SEMA4B: variants seen among roughly 807,000 people sequenced by gnomAD.
The protein encoded by SEMA4B is semaphorin-4B.
In SEMA4B, 55 loss-of-function variants were observed where a neutral mutation model predicts 88.1. That is an observed-to-expected ratio of 0.62 (90% confidence interval 0.50 to 0.78). The LOEUF is 0.78. SEMA4B is among the 30% of genes least tolerant of loss of function. SEMA4B has a pLI of 0.00. For missense variants in SEMA4B, 1,062 were observed against 1,111.9 expected (o/e 0.96, Z 0.64); for synonymous variants, 525 against 473.6 (o/e 1.11, Z -1.41).
At position 90,225,392 on chromosome 15, in the gene SEMA4B, C is replaced by T. The variant is rs1962108768; in HGVS notation, c.1516C>T (p.His506Tyr). The change falls in exon 11 of 14, where the codon CAC (histidine) becomes TAC (tyrosine). Residue 506 changes from histidine to tyrosine, a missense_variant. Transcript: ENST00000411539. ...CGTGCAGAATCTGCTCCTGGACACC[C>T]ACAGGGTGAGCAGGCCAACGAGGAA... ...QPVQNLLLDT[H>Y]RGLLYAASHS... The T allele has an allele frequency of 1.3e-6, 2 of 1,550,602 alleles. No individual in the cohort carries two copies. Among genetic ancestry groups the T allele is most frequent in the African/African-American group, 1.4e-5 (1 of 73,038 alleles).
intron 1 of SEMA4B, among the ~76,000 whole-genome samples, chr15:90,202,278 C>T (rs567944018): frequency 6.6e-6 from 1 of 152,358 alleles, no homozygotes; most frequent in Non-Finnish European, 1.5e-5. Context: ...GCCCTGGGAG[C>T]GACCAGACTG....
chr15:90,225,238 G>A (rs1322773163), intron 10 of SEMA4B, 44 bp from the exon 11 acceptor site: 1 of 1,554,752 alleles, frequency 6.4e-7, no homozygotes, highest in African/African-American at 1.4e-5. Context: ...GTGGGTCATG[G>A]GCAGTGGGCT....
chr15:90,202,452 T>C (rs984281532), intron 1 of SEMA4B, among the ~76,000 whole-genome samples: 1 of 152,226 alleles, frequency 6.6e-6, no homozygotes, highest in African/African-American at 2.4e-5. Flanking sequence ...TTCCTGGTCC[T>C]CACATCTGCT....
At chr15:90,187,303 A>T (rs907695932) in intron 1 of SEMA4B, among the ~76,000 whole-genome samples, 1 of 152,212 alleles carries the variant, frequency 6.6e-6, no homozygotes, top group Non-Finnish European at 1.5e-5. Flanking sequence ...TTTGAAAGGG[A>T]TAACAGAAAA....
intron 1 of SEMA4B, among the ~76,000 whole-genome samples, chr15:90,205,059 G>C (rs1327062185): frequency 6.6e-6 from 1 of 152,238 alleles, no homozygotes; most frequent in Non-Finnish European, 1.5e-5. Flanking sequence ...ACAGGCATGA[G>C]CCACCACATC....
chr15:90,202,304 C>T (rs571556666), intron 1 of SEMA4B, among the ~76,000 whole-genome samples: 1 of 152,272 alleles, frequency 6.6e-6, no homozygotes, highest in Admixed American at 6.5e-5. Context: ...GGGGGCAGCT[C>T]TGGGCGCTGA....
At chr15:90,211,151 C>T (rs1048098283) in intron 1 of SEMA4B, among the ~76,000 whole-genome samples, 4 of 152,146 alleles carry the variant, frequency 2.6e-5, no homozygotes, top group Non-Finnish European at 5.9e-5. Flanking sequence ...AGCCCCTGAG[C>T]AGAGGGACTG....
rs1461324602 is a variant in SEMA4B at position 90,228,701 on chromosome 15, G to T, written c.*58G>T. The T allele has an allele frequency of 6.2e-6, 10 of 1,601,836 alleles. No individual in the cohort carries two copies. The South Asian group carries it at 9.9e-5, about 16-fold the overall frequency. On this transcript the variant is annotated 3_prime_UTR_variant, in exon 14 of 14. Coordinates refer to ENST00000411539, the MANE Select transcript of SEMA4B (RefSeq NM_198925.4). ...CAGGGGCTGTGAATGCTCGGAGAGG[G>T]TCAACTGGACCTCCCCTCCGCTCTG...
chr15:90,201,456 A>G lies in SEMA4B; in HGVS notation c.-123A>G, dbSNP rs1337036752. ...CCCTGTTTCCCACCTCCCGCCCCCC[A>G]GGTCCGGAGGCGGGGGCCCCCGGGG... On this transcript the variant is annotated 5_prime_UTR_variant, in exon 1 of 14. Transcript: ENST00000411539. 3.8e-5 allele frequency: 49 copies of G among 1,301,888 alleles called. No homozygotes were observed. The highest frequency in any genetic ancestry group is 4.7e-5 in the Non-Finnish European group (48 of 1,028,124). 80.6% of individuals were successfully genotyped at this position (1,301,888 alleles called of 1,614,324 possible).
At chr15:90,200,702 A>G (rs1960671887), upstream of SEMA4B, among the ~76,000 whole-genome samples, 2 of 152,162 alleles carry the variant, frequency 1.3e-5, no homozygotes, top group African/African-American at 2.4e-5. Context: ...TCAGCAGTAC[A>G]TTAAATCCTA....
chr15:90,188,916 G>A (rs986928226), intron 1 of SEMA4B, among the ~76,000 whole-genome samples: 14 of 152,014 alleles, frequency 9.2e-5, no homozygotes, highest in South Asian at 8.3e-4. Flanking sequence ...TGATCCGCCC[G>A]CCTCAGCCTC....
Position 90,212,655 on chromosome 15 carries a change from C to G in SEMA4B, c.158-4784C>G, listed in dbSNP as rs1253988196. On this transcript the variant is annotated intron_variant, in intron 1 of 13. Transcript: ENST00000411539. This position sits in a 1 kb window ranked among gnomAD's most constrained non-coding sequence, Gnocchi z 4.0. ...CTGCGGTACCGTGTACACACACACA[C>G]ACACACACACACCACAGGCAAGCTC... Among the ~76,000 whole-genome samples, 2 of 152,022 alleles carry G rather than the reference C, an allele frequency of 1.3e-5. No homozygotes were observed. Among genetic ancestry groups the G allele is most frequent in the Admixed American group, 6.6e-5 (1 of 15,260 alleles).
At chr15:90,219,522 G>A (rs1188761859) in intron 3 of SEMA4B, 3 of 446,604 alleles carry the variant, frequency 6.7e-6, no homozygotes, top group South Asian at 2.9e-5. Flanking sequence ...CAACTCAAAG[G>A]GGTAGGATTC....
At chr15:90,195,046 T>C (rs565899015) in intron 1 of SEMA4B, among the ~76,000 whole-genome samples, 9 of 140,014 alleles carry the variant, frequency 6.4e-5, no homozygotes, top group East Asian at 2.0e-4. Context: ...GCTCCATGGC[T>C]TTTTTTTTTT....
chr15:90,213,255 G>GT (rs1289533908), intron 1 of SEMA4B, among the ~76,000 whole-genome samples: 1 of 152,240 alleles, frequency 6.6e-6, no homozygotes, highest in Non-Finnish European at 1.5e-5. Flanking sequence ...CACACAGCCA[G>GT]TAAGTGGTAG....
chr15:90,221,776 C>T lies in SEMA4B; in HGVS notation c.861+11C>T, dbSNP rs368532260. 3.8e-5 allele frequency: 62 copies of T among 1,612,656 alleles called. No individual in the cohort carries two copies. The highest frequency in any genetic ancestry group is 2.9e-4 in the African/African-American group (22 of 74,904). On this transcript the variant is annotated intron_variant, in intron 7 of 13. Transcript: ENST00000411539. The stretch of plus-strand genomic sequence containing the variant: ...GCCCGCATCTGCAAGGTGAGGGGAA[C>T]GGGCTGACAGGGTGGCCACCCCAGG...
At position 90,225,852 on chromosome 15, in the gene SEMA4B, C is replaced by A. The variant is rs1349035819; in HGVS notation, c.1688+25C>A. 2.0e-6 allele frequency: 3 copies of A among 1,491,258 alleles called. No homozygotes were observed. In the African/African-American group the frequency reaches 4.2e-5, roughly 21 times the overall value. The allele number at this position is 1,491,258 out of a possible 1,614,324, so 92.4% of individuals were successfully genotyped here. ...GGTGAGCACTCCCAAAGGCCCCTTC[C>A]CATCTGTCCAGCCCTGCACAGGTGA... is the stretch of plus-strand genomic sequence containing the variant. On this transcript the variant is annotated intron_variant, in intron 12 of 13. Transcript: ENST00000411539.
At chr15:90,193,376 G>A (rs4932300) in intron 1 of SEMA4B, 16,280 of 152,324 alleles carry the variant, frequency 0.11, 1,093 homozygotes, top group Admixed American at 0.19. Flanking sequence ...TGCTGGGGGC[G>A]TGGATTCGAG....
chr15:90,191,676 GA>G (rs1344941170), intron 1 of SEMA4B, among the ~76,000 whole-genome samples: 2 of 152,216 alleles, frequency 1.3e-5, no homozygotes, highest in African/African-American at 4.8e-5. Context: ...CCAGGAGCAA[GA>G]AAAACAAGAG....
Sources: allele counts gnomAD v4.1 joint callset (sites outside exome capture counted in the v4.1 genomes callset), GRCh38; gene constraint gnomAD v4.1.1; non-coding constraint Gnocchi (gnomAD v3.1); transcripts MANE v1.5; gene names NCBI Gene and HGNC (gene_info 2026-07-23, HGNC 2026-07-21).